Variants in ANTXR1 observed in about 807,000 individuals in gnomAD.
ANTXR1 encodes the protein anthrax toxin receptor 1.
A neutral mutation model predicts 78.1 loss-of-function variants in ANTXR1; 19 were observed. That is an observed-to-expected ratio of 0.24 (90% CI 0.17 to 0.36). The LOEUF is 0.36. ANTXR1 is among the 10% of genes least tolerant of loss of function. ANTXR1 has a pLI of 1.00. For missense variants in ANTXR1, 518 were observed against 718.6 expected (o/e 0.72, Z 3.19); for synonymous variants, 273 against 260.5 (o/e 1.05, Z -0.46).
intron 16 of ANTXR1, among the ~76,000 whole-genome samples, chr2:69,190,050 G>A (rs1370786618): frequency 6.6e-6 from 1 of 152,186 alleles, no homozygotes. Flanking sequence ...GCTGAGAGAT[G>A]AGAATAGAGG....
At chr2:69,190,424 ACT>A (rs1674520352) in intron 16 of ANTXR1, among the ~76,000 whole-genome samples, 1 of 152,052 alleles carries the variant, frequency 6.6e-6, no homozygotes, top group Admixed American at 6.6e-5. Flanking sequence ...GGATTCCTAC[ACT>A]CTGTATTACA....
chr2:69,042,241 TCTTATG>T (rs1669633538), intron 2 of ANTXR1, among the ~76,000 whole-genome samples: 1 of 152,178 alleles, frequency 6.6e-6, no homozygotes, highest in Non-Finnish European at 1.5e-5. Context: ...TAATAATGAT[TCTTATG>T]CTTTGCTGTT....
intron 14 of ANTXR1, among the ~76,000 whole-genome samples, chr2:69,179,088 A>G (rs1674207635): frequency 1.3e-5 from 2 of 152,230 alleles, no homozygotes; most frequent in Non-Finnish European, 1.5e-5. Flanking sequence ...ACAGAAACAT[A>G]CATCCACCTC....
chr2:69,127,955 C>G (rs1359102035), intron 12 of ANTXR1, among the ~76,000 whole-genome samples: 1 of 152,118 alleles, frequency 6.6e-6, no homozygotes, highest in Non-Finnish European at 1.5e-5. Context: ...AGCCAGGTGC[C>G]ATGGCTCATG....
At chr2:69,096,051 G>C (rs1671388571) in intron 9 of ANTXR1, among the ~76,000 whole-genome samples, 1 of 151,984 alleles carries the variant, frequency 6.6e-6, no homozygotes, top group South Asian at 2.1e-4. Flanking sequence ...GAGATCAGGA[G>C]ATCGAGACCA....
intron 17 of ANTXR1, among the ~76,000 whole-genome samples, chr2:69,233,729 A>T (rs1360800075): frequency 6.6e-6 from 1 of 151,756 alleles, no homozygotes; most frequent in Non-Finnish European, 1.5e-5. Context: ...ATTCCCACTA[A>T]AGACAAGAAT....
chr2:69,021,555 A>G (rs189962517), intron 1 of ANTXR1, among the ~76,000 whole-genome samples: 62 of 152,244 alleles, frequency 4.1e-4, no homozygotes, highest in African/African-American at 1.5e-3. Context: ...AGGGAAGAGA[A>G]TGCTAGATGA....
At chr2:69,152,848 C>T (rs1297421995) in intron 13 of ANTXR1, among the ~76,000 whole-genome samples, 1 of 152,164 alleles carries the variant, frequency 6.6e-6, no homozygotes, top group African/African-American at 2.4e-5. Context: ...TAAAAACCTG[C>T]CTCCTCCCCA....
chr2:69,087,707 G>A (rs910218962), intron 8 of ANTXR1, among the ~76,000 whole-genome samples: 1 of 152,160 alleles, frequency 6.6e-6, no homozygotes, highest in South Asian at 2.1e-4. Flanking sequence ...TGCATCTAGT[G>A]ATTTCCCATC....
intron 17 of ANTXR1, among the ~76,000 whole-genome samples, chr2:69,237,407 T>C (rs1675791925): frequency 6.6e-6 from 1 of 152,158 alleles, no homozygotes; most frequent in Non-Finnish European, 1.5e-5. Context: ...CACACCCTTC[T>C]CTTTGCCCGT....
At chr2:69,100,715 T>C (rs1186580544) in intron 9 of ANTXR1, among the ~76,000 whole-genome samples, 1 of 152,236 alleles carries the variant, frequency 6.6e-6, no homozygotes, top group Admixed American at 6.5e-5. Flanking sequence ...GATGTCTGTA[T>C]GTCTGGCATT....
In ANTXR1 at chr2:69,200,070, T is replaced by C. The variant is rs1674738203; in HGVS notation, c.1434+6655T>C. On this transcript the variant is annotated intron_variant, in intron 17 of 17. Coordinates refer to ENST00000303714, the MANE Select transcript of ANTXR1 (RefSeq NM_032208.3). ...ATCATCTACCAACCAGCCTGAGCCCTCCCCAGTCACTTTTACTCCAAATCG... is the reference window on the plus strand; with the variant it reads ...ATCATCTACCAACCAGCCTGAGCCCCCCCCAGTCACTTTTACTCCAAATCG... Among the ~76,000 whole-genome samples the C allele has an allele frequency of 2.0e-5, 3 of 152,114 alleles. No individual in the cohort carries two copies. The South Asian group carries it at 6.2e-4, about 32-fold the overall frequency.
intron 3 of ANTXR1, among the ~76,000 whole-genome samples, chr2:69,050,939 T>G (rs773967148): frequency 1.6e-4 from 25 of 152,112 alleles, no homozygotes; most frequent in Non-Finnish European, 3.4e-4. Flanking sequence ...TTATTACTAT[T>G]ATTAGTTCCT....
At chr2:69,231,325 G>A (rs959059979) in intron 17 of ANTXR1, among the ~76,000 whole-genome samples, 1 of 152,068 alleles carries the variant, frequency 6.6e-6, no homozygotes, top group Admixed American at 6.5e-5. Flanking sequence ...TTCTCCTGGG[G>A]ACCTTGGGTT....
chr2:69,188,147 G>A (rs981357230), intron 16 of ANTXR1, among the ~76,000 whole-genome samples: 1 of 151,342 alleles, frequency 6.6e-6, no homozygotes, highest in Admixed American at 6.6e-5. Flanking sequence ...TTGTTCTGTC[G>A]CCCAGGCTGT....
intron 8 of ANTXR1, among the ~76,000 whole-genome samples, chr2:69,078,607 T>C (rs1250878389): frequency 2.0e-5 from 3 of 152,176 alleles, no homozygotes; most frequent in East Asian, 3.9e-4. Flanking sequence ...CAGAGTTTCA[T>C]TGGCCCACGT....
chr2:69,145,825 G>A, intron 12 of ANTXR1: 2 of 988,222 alleles, frequency 2.0e-6, no homozygotes, highest in Non-Finnish European at 2.4e-6. Flanking sequence ...CCATTATAGG[G>A]CAAACAAGCC....
intron 4 of ANTXR1, among the ~76,000 whole-genome samples, chr2:69,071,547 A>G (rs191351180): frequency 2.6e-5 from 4 of 152,372 alleles, no homozygotes; most frequent in Non-Finnish European, 4.4e-5. Flanking sequence ...AAACATTGCT[A>G]TGCAGCACAT....
intron 6 of ANTXR1, among the ~76,000 whole-genome samples, chr2:69,075,378 G>T (rs1163565967): frequency 6.6e-6 from 1 of 152,174 alleles, no homozygotes; most frequent in Non-Finnish European, 1.5e-5. Context: ...CTACTTCAGT[G>T]TGTCTTTTCA....
Sources: allele counts gnomAD v4.1 joint callset (sites outside exome capture counted in the v4.1 genomes callset), GRCh38; gene constraint gnomAD v4.1.1; transcripts MANE v1.5; gene names NCBI Gene and HGNC (gene_info 2026-07-23, HGNC 2026-07-21).